ZAN: variants seen among roughly 807,000 people sequenced by gnomAD.
The protein encoded by ZAN is zonadhesin (gene/pseudogene).
In ZAN, 260 loss-of-function variants were observed where a neutral mutation model predicts 286.2. The ratio of observed to expected loss-of-function variants is 0.91; its 90% CI spans 0.82 to 1.01. The LOEUF (loss-of-function observed/expected upper bound fraction) is 1.01. ZAN is among the 50% of genes least tolerant of loss of function. ZAN has a pLI of 0.00. For synonymous variants in ZAN, 1,368 were observed against 1,417.5 expected (o/e 0.97, Z 0.79); for missense variants, 3,410 against 3,639.2 (o/e 0.94, Z 1.62).
At chr7:100,768,823 G>C (rs2116073830) in intron 27 of ZAN, 102 bp downstream of exon 27, 1 of 915,852 alleles carries the variant, frequency 1.1e-6, no homozygotes, top group East Asian at 2.7e-5. Flanking sequence ...CTCCCTCTGT[G>C]CTGTACCTCC....
At chr7:100,748,864 T>C (rs949321579) in intron 11 of ZAN, among the ~76,000 whole-genome samples, 5 of 144,988 alleles carry the variant, frequency 3.4e-5, no homozygotes, top group African/African-American at 1.0e-4. Context: ...ACCCCATCTC[T>C]AGAAAAAAAA....
rs377386627 is a variant in ZAN at position 100,750,855 on chromosome 7, A to T, written c.1480A>T (p.Thr494Ser). 6.4e-7 allele frequency: 1 copy of T among 1,572,946 alleles called. No individual in the cohort carries two copies. The highest frequency in any genetic ancestry group is 8.6e-7 in the Non-Finnish European group (1 of 1,157,398). The change falls in exon 12 of 48, where the codon ACC (threonine) becomes TCC (serine). Residue 494 changes from threonine to serine, a missense_variant. Physicochemically the swap from Thr to Ser is moderately conservative, Grantham distance 58. Coordinates refer to ENST00000613979, the MANE Select transcript of ZAN (RefSeq NM_003386.3). ...VGSQRPYWQN[T>S]SVTVPSGHQQ... ...GTCTCAGCGCCCTTACTGGCAGAAC[A>T]CCTCCGTCACCGTCCCCTCAGGACA...
intron 15 of ZAN, 32 bp downstream of exon 15, chr7:100,755,442 G>A (rs762147590): frequency 3.1e-6 from 5 of 1,602,276 alleles, no homozygotes; most frequent in African/African-American, 1.3e-5. Flanking sequence ...GGTCCCATGA[G>A]GGAGATTGAT....
chr7:100,790,836 T>TCACA (rs1313283079), intron 39 of ZAN, 106 bp from the exon 40 acceptor site: 2 of 1,275,946 alleles, frequency 1.6e-6, no homozygotes, highest in African/African-American at 3.4e-5. Context: ...TGAGCCAAGA[T>TCACA]CACACAACTG....
In ZAN at chr7:100,736,577, T is replaced by C; in HGVS notation, c.201T>C (p.Ser67=). 6.6e-7 allele frequency: 1 copy of C among 1,523,028 alleles called. No individual in the cohort carries two copies. The highest frequency in any genetic ancestry group is 9.0e-7 in the Non-Finnish European group (1 of 1,107,490). The allele number at this position is 1,523,028 out of a possible 1,614,324, so 94.3% of individuals were successfully genotyped here. ...ACGATGAAGACTGGGTTCGAGCCAG[T>C]GGGCCCTCTCCCACCGGCTCCACCG... ...SADDEDWVRA[S]GPSPTGSTGA... Residue 67 remains serine (S), a synonymous_variant, in exon 4 of 48, where the codon AGT becomes AGC. Transcript: ENST00000613979.
chr7:100,755,295 G>T lies in ZAN; in HGVS notation c.3194G>T (p.Ser1065Ile). 1 of 1,613,888 alleles carries T rather than the reference G, an allele frequency of 6.2e-7. No homozygotes were observed. The highest frequency in any genetic ancestry group is 8.5e-7 in the Non-Finnish European group (1 of 1,179,868). ...CPASCKSPRP[S>I]CGPLCREGCV... The stretch of plus-strand genomic sequence containing the variant: ...GCTTCGTGCAAGAGCCCCAGGCCTA[G>T]CTGTGGGCCCCTCTGTCGGGAGGGC... Residue 1065 changes from serine (S) to isoleucine (I), a missense_variant, in exon 15 of 48, where the codon AGC (serine) becomes ATC (isoleucine). Physicochemically the swap from Ser to Ile is moderately radical, Grantham distance 142. Transcript: ENST00000613979.
At chr7:100,792,642 T>A in intron 42 of ZAN, 163 bp downstream of exon 42, 1 of 1,415,152 alleles carries the variant, frequency 7.1e-7, no homozygotes, top group Non-Finnish European at 9.2e-7. Flanking sequence ...GCTTTCTGTC[T>A]TAGTCCCATC....
At chr7:100,762,972 GT>G (rs541919899) in intron 20 of ZAN, among the ~76,000 whole-genome samples, 30,735 of 134,620 alleles carry the variant, frequency 0.23, 3,073 homozygotes, top group East Asian at 0.28. Context: ...CTCCCCAACG[GT>G]TTTTTTTTTT....
At chr7:100,762,744 CTT>C (rs540403384) in intron 20 of ZAN, among the ~76,000 whole-genome samples, 5 of 142,274 alleles carry the variant, frequency 3.5e-5, no homozygotes, top group Non-Finnish European at 6.1e-5. Context: ...TCCACCCGCC[CTT>C]TTTTTTTTTT....
intron 34 of ZAN, among the ~76,000 whole-genome samples, chr7:100,777,248 T>C (rs1810882754): frequency 6.6e-6 from 1 of 151,962 alleles, no homozygotes; most frequent in Non-Finnish European, 1.5e-5. Context: ...TTTCACCATA[T>C]TGGCCAGGCT....
Position 100,762,301 on chromosome 7 carries a change from C to T in ZAN, c.3929C>T (p.Ala1310Val). The T allele has an allele frequency of 6.2e-7, 1 of 1,613,576 alleles. No homozygotes were observed. Among genetic ancestry groups the T allele is most frequent in the Non-Finnish European group, 8.5e-7 (1 of 1,179,768 alleles). ...CACCTGAAGTTGGACGGCAGCCCAG[C>T]AGGAGACAAGGAGGAGCTGGGGAAC... ...NDHLKLDGSP[A>V]GDKEELGNSW... The change falls in exon 20 of 48, where the codon GCA becomes GTA. Residue 1310 changes from alanine to valine, a missense_variant. This residue lies in a region of ZAN where 1,042 missense variants were observed against 1,058.0 expected (regional missense o/e 0.98). Coordinates refer to ENST00000613979, the MANE Select transcript of ZAN (RefSeq NM_003386.3).
In ZAN at chr7:100,758,529, A is replaced by G; in HGVS notation, c.3452-2A>G. 1 of 1,557,270 alleles carries G rather than the reference A, an allele frequency of 6.4e-7. No individual in the cohort carries two copies. The highest frequency in any genetic ancestry group is 1.2e-5 in the South Asian group (1 of 84,458). On this transcript the variant is annotated splice_acceptor_variant, in intron 16 of 47. Transcript: ENST00000613979. LOFTEE classifies it high-confidence loss of function. ...TTCGCCTGTTCTCCTTCCCCCTCCC[A>G]GCAGGCACTGCCACCTGCTTGGTCT...
At chr7:100,776,887 C>T (rs1384429105) in intron 34 of ZAN, among the ~76,000 whole-genome samples, 3 of 146,552 alleles carry the variant, frequency 2.0e-5, no homozygotes, top group South Asian at 2.2e-4. Flanking sequence ...CGCCCGCCAC[C>T]GCGCCCGGCT....
intron 29 of ZAN, 121 bp from the exon 30 acceptor site, chr7:100,773,164 A>C: frequency 1.8e-6 from 2 of 1,119,418 alleles, no homozygotes; most frequent in East Asian, 2.7e-5. Flanking sequence ...TCGGCCTCCC[A>C]AAGTGCTGGG....
rs1330092702 is a variant in ZAN at position 100,748,425 on chromosome 7, G to A, written c.1204G>A (p.Gly402Arg). 1 of 1,613,786 alleles carries A rather than the reference G, an allele frequency of 6.2e-7. No individual in the cohort carries two copies. Among genetic ancestry groups the A allele is most frequent in the Non-Finnish European group, 8.5e-7 (1 of 1,179,860 alleles). ...GGHWALGHKN[G>R]PVHGMGPAGG... is the part of the protein sequence containing the mutation. ...ACACTGGGCCCTCGGACATAAAAAT[G>A]GACCCGTCCATGGCATGGGCCCTGC... The change falls in exon 11 of 48, where the codon GGA becomes AGA. Residue 402 changes from glycine (G) to arginine (R), a missense_variant. Gly to Arg is a moderately radical substitution (Grantham distance 125). Around this residue, in one of 7 missense-constraint regions of ZAN, gnomAD observed 872 missense variants for 938.9 expected, o/e 0.93. Transcript: ENST00000613979.
At chr7:100,761,831 C>T (rs112108851) in intron 19 of ZAN, among the ~76,000 whole-genome samples, 43,613 of 150,936 alleles carry the variant, frequency 0.29, 6,389 homozygotes, top group African/African-American at 0.35. Context: ...CCCAGCTACT[C>T]GGAAGGCTGA....
chr7:100,797,754 T>C lies in ZAN; in HGVS notation c.*22T>C. 1 of 1,613,550 alleles carries C rather than the reference T, an allele frequency of 6.2e-7. No individual in the cohort carries two copies. The highest frequency in any genetic ancestry group is 8.5e-7 in the Non-Finnish European group (1 of 1,179,706). On this transcript the variant is annotated 3_prime_UTR_variant, in exon 48 of 48. Coordinates refer to ENST00000613979, the MANE Select transcript of ZAN (RefSeq NM_003386.3). ...TTAAGTTGCTCAGTTTTGAGCTGTCTTCAGACAAGAAGATTAAATAAATTT... is the reference window on the plus strand; with the variant it reads ...TTAAGTTGCTCAGTTTTGAGCTGTCCTCAGACAAGAAGATTAAATAAATTT...
intron 18 of ZAN, 127 bp from the exon 19 acceptor site, chr7:100,760,264 C>G (rs1378790305): frequency 7.8e-7 from 1 of 1,286,516 alleles, no homozygotes; most frequent in African/African-American, 1.5e-5. Flanking sequence ...CCAGTCCACT[C>G]CTGGTGGATG....
intron 7 of ZAN, among the ~76,000 whole-genome samples, chr7:100,740,175 A>C (rs1807635110): frequency 7.1e-6 from 1 of 141,350 alleles, no homozygotes; most frequent in South Asian, 2.2e-4. Context: ...CCTGAGATCC[A>C]CAGGAGCGGC....
Sources: gnomAD v4.1 joint callset for allele counts (sites outside exome capture counted in the v4.1 genomes callset) on GRCh38, gnomAD v4.1.1 for gene constraint, gnomAD v4.1.1 regional missense constraint, MANE v1.5 for transcripts, NCBI Gene and HGNC (gene_info 2026-07-23, HGNC 2026-07-21) for gene names.